The following CCDC33 variants were observed in gnomAD, a reference collection of about 807,000 sequenced individuals.
The protein encoded by CCDC33 is coiled-coil domain containing 33, also known as coiled-coil domain-containing protein 33.
A neutral mutation model predicts 91.9 loss-of-function variants in CCDC33; 94 were observed. The ratio of observed to expected loss-of-function variants is 1.02; its 90% confidence interval spans 0.87 to 1.21. The LOEUF (loss-of-function observed/expected upper bound fraction) is 1.21. CCDC33 is among the 50% of genes most tolerant of loss of function. CCDC33 has a pLI of 0.00. For missense variants in CCDC33, 940 were observed against 935.5 expected (o/e 1.00, Z -0.06); for synonymous variants, 396 against 374.5 (o/e 1.06, Z -0.66).
chr15:74,221,127 T>A (rs1162760797), intron 2 of CCDC33: 1 of 846,894 alleles, frequency 1.2e-6, no homozygotes, highest in Non-Finnish European at 1.4e-6. Flanking sequence ...CTGACTGTGA[T>A]CAGGCATTTC....
downstream of CCDC33, chr15:74,336,336 G>A (rs1010529773): frequency 4.4e-6 from 6 of 1,372,486 alleles, no homozygotes; most frequent in Non-Finnish European, 5.8e-6. Flanking sequence ...CAAAGCAGGG[G>A]CCAGGGAGAC....
intron 11 of CCDC33, among the ~76,000 whole-genome samples, chr15:74,314,129 C>T (rs904214867): frequency 6.6e-6 from 1 of 152,236 alleles, no homozygotes; most frequent in South Asian, 2.1e-4. Flanking sequence ...CTCTGACATA[C>T]CCTCCAATAC....
At chr15:74,245,530 G>A (rs1183303748) in intron 2 of CCDC33, among the ~76,000 whole-genome samples, 4 of 152,196 alleles carry the variant, frequency 2.6e-5, no homozygotes, top group African/African-American at 9.7e-5. Flanking sequence ...ATCATCTCGG[G>A]AGATTGAGGC....
chr15:74,274,027 T>C (rs1050680448), intron 7 of CCDC33, among the ~76,000 whole-genome samples: 1 of 152,074 alleles, frequency 6.6e-6, no homozygotes, highest in African/African-American at 2.4e-5. Context: ...AGATGGAGTT[T>C]CACCATGTTG....
chr15:74,333,236 T>C (rs752116512), intron 16 of CCDC33: 1 of 1,596,250 alleles, frequency 6.3e-7, no homozygotes, highest in Non-Finnish European at 8.5e-7. Flanking sequence ...CCCCGGGGAG[T>C]TGGGAGCAGG....
intron 11 of CCDC33, among the ~76,000 whole-genome samples, chr15:74,328,513 T>C (rs1362687056): frequency 6.6e-6 from 1 of 152,206 alleles, no homozygotes; most frequent in Non-Finnish European, 1.5e-5. Context: ...TGTGTGTGTG[T>C]GGTCTCTAGA....
chr15:74,220,155 G>A (rs1223353349), intron 2 of CCDC33, among the ~76,000 whole-genome samples: 1 of 152,116 alleles, frequency 6.6e-6, no homozygotes, highest in Non-Finnish European at 1.5e-5. Context: ...TCTGAGCTGT[G>A]GTTTAGGCCA....
chr15:74,211,727 GTCC>G (rs1322535241), intron 2 of CCDC33, among the ~76,000 whole-genome samples: 15 of 151,872 alleles, frequency 9.9e-5, no homozygotes, highest in Non-Finnish European at 2.2e-4. Context: ...CTATCTGGTT[GTCC>G]TCCTGTCTGC....
At chr15:74,269,387 T>C (rs2076254992) in intron 5 of CCDC33, among the ~76,000 whole-genome samples, 1 of 152,142 alleles carries the variant, frequency 6.6e-6, no homozygotes, top group Non-Finnish European at 1.5e-5. Flanking sequence ...CCAGGGACAC[T>C]GAGACCCAAG....
chr15:74,304,878 C>A (rs1051963337), intron 11 of CCDC33, among the ~76,000 whole-genome samples: 1 of 152,170 alleles, frequency 6.6e-6, no homozygotes, highest in South Asian at 2.1e-4. Flanking sequence ...CCAAGCTCCA[C>A]GCTTCTAGAA....
downstream of CCDC33, chr15:74,336,421 T>C: frequency 7.7e-7 from 1 of 1,301,904 alleles, no homozygotes; most frequent in Non-Finnish European, 1.0e-6. Context: ...GGGAGGCTTG[T>C]CCTTTTCATC....
intron 1 of CCDC33, among the ~76,000 whole-genome samples, chr15:74,237,003 G>T (rs151023653): frequency 1.3e-5 from 2 of 152,324 alleles, no homozygotes; most frequent in African/African-American, 4.8e-5. Context: ...GGTTGTTTCT[G>T]CACTCTTATT....
intron 2 of CCDC33, among the ~76,000 whole-genome samples, chr15:74,247,357 CATATAT>C (rs745393579): frequency 7.3e-6 from 1 of 137,726 alleles, no homozygotes; most frequent in African/African-American, 2.6e-5. Flanking sequence ...GAAAAAATGT[CATATAT>C]ATATATATAC....
chr15:74,290,205 T>C (rs1490801099), intron 10 of CCDC33, among the ~76,000 whole-genome samples: 1 of 148,068 alleles, frequency 6.8e-6, no homozygotes, highest in East Asian at 2.0e-4. Context: ...TGAGATGGAG[T>C]CCTGACCTGT....
At chr15:74,279,628 C>A (rs1466352036) in intron 7 of CCDC33, among the ~76,000 whole-genome samples, 1 of 152,144 alleles carries the variant, frequency 6.6e-6, no homozygotes, top group African/African-American at 2.4e-5. Flanking sequence ...CTCTGCCCCC[C>A]CGGGTTCAAG....
At chr15:74,331,473 C>G (rs2060437729) in intron 15 of CCDC33, among the ~76,000 whole-genome samples, 177 bp downstream of exon 15, 3 of 152,188 alleles carry the variant, frequency 2.0e-5, no homozygotes, top group African/African-American at 7.2e-5. Context: ...TCAGGCGCCC[C>G]ATCCAGAGAT....
chr15:74,335,877 C>A (rs1232919497), intron 18 of CCDC33, 48 bp from the exon 19 acceptor site: 3 of 1,441,732 alleles, frequency 2.1e-6, no homozygotes, highest in Non-Finnish European at 1.9e-6. Context: ...GAGCAGGTCA[C>A]CCCCTGGGAA....
At chr15:74,279,923 G>A in intron 7 of CCDC33, 40 bp from the exon 8 acceptor site, 1 of 1,597,540 alleles carries the variant, frequency 6.3e-7, no homozygotes, top group South Asian at 1.1e-5. Flanking sequence ...TTTGGGAGAA[G>A]CTGTGGCCCC....
chr15:74,253,990 C>T (rs1427366155), intron 2 of CCDC33, among the ~76,000 whole-genome samples: 3 of 152,064 alleles, frequency 2.0e-5, no homozygotes, highest in African/African-American at 7.2e-5. Context: ...GCTGACATTA[C>T]AGGTGTGAGC....
Sources: allele counts gnomAD v4.1 joint callset (sites outside exome capture counted in the v4.1 genomes callset), GRCh38; gene constraint gnomAD v4.1.1; transcripts MANE v1.5; gene names NCBI Gene and HGNC (gene_info 2026-07-23, HGNC 2026-07-21).